The following RFX7 variants were observed in gnomAD, a reference collection of about 807,000 sequenced individuals.
RFX7 encodes the protein regulatory factor X7.
Under a neutral mutation model 111.8 loss-of-function variants are expected in RFX7, and 26 were observed. The ratio of observed to expected loss-of-function variants is 0.23; its 90% confidence interval spans 0.17 to 0.32. The LOEUF is 0.32. Among genes scored for constraint, RFX7 ranks in the 10% least tolerant of loss-of-function variants. RFX7 has a pLI of 1.00. For missense variants in RFX7, 1,573 were observed against 1,772.9 expected (o/e 0.89, Z 2.02); for synonymous variants, 624 against 624.4 (o/e 1.00, Z 0.01).
At chr15:56,243,056 G>GCCCC in intron 2 of RFX7, 69 bp downstream of exon 2, 14 of 520,768 alleles carry the variant, frequency 2.7e-5, no homozygotes, top group Admixed American at 2.2e-4. Flanking sequence ...CCCGCCCGCC[G>GCCCC]CCCCCCACCC....
At chr15:56,156,314 A>G (rs186012297) in intron 3 of RFX7, among the ~76,000 whole-genome samples, 135 of 152,218 alleles carry the variant, frequency 8.9e-4, no homozygotes, top group Non-Finnish European at 1.4e-3. Flanking sequence ...ACTACAAAGT[A>G]TTTCAAACAC....
chr15:56,149,180 G>C (rs2042531528), intron 3 of RFX7, among the ~76,000 whole-genome samples: 1 of 151,910 alleles, frequency 6.6e-6, no homozygotes, highest in Non-Finnish European at 1.5e-5. Flanking sequence ...GCTATAACAT[G>C]TCAGCCTTCC....
chr15:56,101,628 G>A lies in RFX7; in HGVS notation c.604-62C>T. Reference sequence around the variant, plus strand: ...GACCAGAGAAATTAAATTGAAGCATGTTAAAGATATGTATTCTTAATTAGA... The same window carrying A: ...GACCAGAGAAATTAAATTGAAGCATATTAAAGATATGTATTCTTAATTAGA... On this transcript the variant is annotated intron_variant, in intron 7 of 9. Transcript: ENST00000559447. 1.6e-5 allele frequency: 22 copies of A among 1,387,974 alleles called. 1 individual carries two copies. The highest frequency in any genetic ancestry group is 2.2e-5 in the Non-Finnish European group (22 of 989,670). 86.0% of individuals were successfully genotyped at this position (1,387,974 alleles called of 1,614,324 possible).
At chr15:56,156,112 A>G (rs1211206933) in intron 3 of RFX7, among the ~76,000 whole-genome samples, 1 of 152,084 alleles carries the variant, frequency 6.6e-6, no homozygotes, top group African/African-American at 2.4e-5. Context: ...TATGCAGCTT[A>G]TCTTCAATTA....
rs144700272 is a variant in RFX7 at position 56,186,744 on chromosome 15, A to G, written c.162-7441T>C. The stretch of plus-strand genomic sequence containing the variant: ...TATAATAAACACACCATAGTTTTAT[A>G]CCAGTGTTAATGGAATATTTTTGAA... On this transcript the variant is annotated intron_variant, in intron 2 of 9. Coordinates refer to ENST00000559447, the MANE Select transcript of RFX7 (RefSeq NM_022841.7). Among the ~76,000 whole-genome samples, 265 of 152,164 alleles carry G rather than the reference A, an allele frequency of 1.7e-3. 1 individual carries two copies. The highest frequency in any genetic ancestry group is 6.2e-3 in the African/African-American group (259 of 41,508).
At chr15:56,176,903 C>A (rs2042908997) in intron 3 of RFX7, among the ~76,000 whole-genome samples, 1 of 150,528 alleles carries the variant, frequency 6.6e-6, no homozygotes, top group Non-Finnish European at 1.5e-5. Flanking sequence ...ACTCATATCC[C>A]CCTACAATCC....
At chr15:56,123,956 G>T (rs2042109788) in intron 5 of RFX7, among the ~76,000 whole-genome samples, 1 of 152,076 alleles carries the variant, frequency 6.6e-6, no homozygotes, top group Non-Finnish European at 1.5e-5. Context: ...GACTTTTTTT[G>T]TACCTTCTTC....
intron 2 of RFX7, among the ~76,000 whole-genome samples, chr15:56,195,257 A>G (rs2043136707): frequency 6.6e-6 from 1 of 152,104 alleles, no homozygotes; most frequent in Admixed American, 6.5e-5. Context: ...GGGTTGCGGA[A>G]ATGAAGAGTG....
intron 2 of RFX7, among the ~76,000 whole-genome samples, chr15:56,237,198 G>T (rs769735918): frequency 1.3e-5 from 2 of 152,102 alleles, no homozygotes; most frequent in Non-Finnish European, 2.9e-5. Context: ...TTGTAAATGA[G>T]GAAACTAAGG....
intron 2 of RFX7, among the ~76,000 whole-genome samples, chr15:56,227,439 CTT>C (rs2043497234): frequency 1.3e-5 from 2 of 152,150 alleles, no homozygotes; most frequent in Non-Finnish European, 2.9e-5. Flanking sequence ...TTCCATTTCT[CTT>C]TTGTCTTCCA....
chr15:56,150,695 C>T (rs1256274376), intron 3 of RFX7, among the ~76,000 whole-genome samples: 2 of 152,144 alleles, frequency 1.3e-5, no homozygotes, highest in East Asian at 3.8e-4. Flanking sequence ...AGCAAGGGAA[C>T]AAAATTGGAT....
intron 2 of RFX7, among the ~76,000 whole-genome samples, chr15:56,214,511 C>G (rs560234709): frequency 6.6e-6 from 1 of 151,140 alleles, no homozygotes; most frequent in African/African-American, 2.4e-5. Flanking sequence ...GTCAGGAGAT[C>G]GAGACCATCC....
At chr15:56,130,810 AATATC>A (rs1422592053) in intron 5 of RFX7, among the ~76,000 whole-genome samples, 1 of 152,136 alleles carries the variant, frequency 6.6e-6, no homozygotes, top group East Asian at 1.9e-4. Context: ...CAAAACTAGA[AATATC>A]AAAAAGCATA....
rs1407722509 is a variant in RFX7, at chr15:56,137,984, T to G, written c.401+4794A>C. Among the ~76,000 whole-genome samples the G allele has an allele frequency of 2.0e-5, 3 of 151,742 alleles. No individual in the cohort carries two copies. The East Asian group carries it at 5.8e-4, about 29-fold the overall frequency. Reference sequence around the variant, plus strand: ...ATTGCACTGTGGTCTGAGAGACAGTTTGTTATAATTTCTGTTCTTTTACAT... The same window carrying G: ...ATTGCACTGTGGTCTGAGAGACAGTGTGTTATAATTTCTGTTCTTTTACAT... On this transcript the variant is annotated intron_variant, in intron 5 of 9. Transcript: ENST00000559447.
At chr15:56,134,939 T>C (rs1205895270) in intron 5 of RFX7, among the ~76,000 whole-genome samples, 1 of 152,082 alleles carries the variant, frequency 6.6e-6, no homozygotes, top group Non-Finnish European at 1.5e-5. Context: ...ACAAAGGACA[T>C]GAACTCATCA....
chr15:56,090,000 A>T lies in RFX7; in HGVS notation c.*3345T>A, dbSNP rs1363485995. 6.6e-6 allele frequency: 1 copy of T among 151,770 alleles called. No homozygotes were observed. Among genetic ancestry groups the T allele is most frequent in the African/African-American group, 2.4e-5 (1 of 41,290 alleles). The allele number at this position is 151,770 out of a possible 1,614,324, so 9.4% of individuals were successfully genotyped here. A position where few individuals can be genotyped will look rare whatever the true frequency, so the allele number is the denominator to read the frequency against. On this transcript the variant is annotated 3_prime_UTR_variant, in exon 10 of 10. Transcript: ENST00000559447. Reference sequence around the variant, plus strand: ...GCTTCTCAGTTTCAAGAGTGAGGAAACTCCATTCAAGACCCTGGTTTCATT... The same window carrying T: ...GCTTCTCAGTTTCAAGAGTGAGGAATCTCCATTCAAGACCCTGGTTTCATT...
chr15:56,172,545 C>G (rs2042856639), intron 3 of RFX7, among the ~76,000 whole-genome samples: 1 of 151,990 alleles, frequency 6.6e-6, no homozygotes, highest in African/African-American at 2.4e-5. Context: ...TTCAGACAGG[C>G]AGAAGGACAA....
intron 3 of RFX7, among the ~76,000 whole-genome samples, chr15:56,161,534 G>C (rs1267528165): frequency 2.0e-5 from 3 of 151,958 alleles, no homozygotes; most frequent in Non-Finnish European, 4.4e-5. Context: ...ATATATTTCG[G>C]TTTTCTTAGC....
chr15:56,181,069 TG>T (rs1336643119), intron 2 of RFX7, among the ~76,000 whole-genome samples: 65 of 152,362 alleles, frequency 4.3e-4, no homozygotes, highest in African/African-American at 1.5e-3. Flanking sequence ...TGATTCTTTT[TG>T]AAGATGACAT....
Sources: gnomAD v4.1 joint callset for allele counts (sites outside exome capture counted in the v4.1 genomes callset) on GRCh38, gnomAD v4.1.1 for gene constraint, MANE v1.5 for transcripts, NCBI Gene and HGNC (gene_info 2026-07-23, HGNC 2026-07-21) for gene names.